The following GOLM1 variants were observed in gnomAD, a reference collection of about 807,000 sequenced individuals.
GOLM1 encodes epididymis luminal protein 46.
A neutral mutation model predicts 50.5 loss-of-function variants in GOLM1; 31 were observed. That is an observed-to-expected ratio of 0.61 (90% CI 0.46 to 0.83). The LOEUF (loss-of-function observed/expected upper bound fraction) is 0.83. GOLM1 is among the 40% of genes least tolerant of loss of function. The pLI is 0.00. For synonymous variants in GOLM1, 178 were observed against 192.8 expected (o/e 0.92, Z 0.64); for missense variants, 491 against 501.3 (o/e 0.98, Z 0.20).
At chr9:86,079,889 C>G (rs113400385) in intron 1 of GOLM1, 1 of 151,926 alleles carries the variant, frequency 6.6e-6, no homozygotes, top group Non-Finnish European at 1.5e-5. Context: ...CTAATGACAC[C>G]CAATTAAAGC....
chr9:86,077,890 A>G (rs1834666728), intron 2 of GOLM1: 1 of 370,072 alleles, frequency 2.7e-6, no homozygotes, highest in South Asian at 1.0e-4. Flanking sequence ...TTTACCTGGC[A>G]TAAGATGATG....
At chr9:86,047,183 C>T (rs1833575529) in intron 4 of GOLM1, among the ~76,000 whole-genome samples, 1 of 152,140 alleles carries the variant, frequency 6.6e-6, no homozygotes. Flanking sequence ...CCCATCCCTG[C>T]TGCCCTGATG....
At position 86,035,451 on chromosome 9, in the gene GOLM1, T is replaced by A; in HGVS notation, c.932A>T (p.Glu311Val). ...CTCAGGGCCCTCCATCTCTGGATTT[T>A]CCTGGCTCACTGACAGGGCAGCCTG... ...QVQAALSVSQ[E>V]NPEMEGPERD... The change falls in exon 8 of 10, where the codon GAA (glutamate) becomes GTA (valine). Residue 311 changes from glutamate (E) to valine (V), a missense_variant. Glu to Val is a moderately radical substitution (Grantham distance 121). Transcript: ENST00000388712. 1.2e-6 allele frequency: 2 copies of A among 1,613,894 alleles called. No individual in the cohort carries two copies. Among genetic ancestry groups the A allele is most frequent in the Non-Finnish European group, 1.7e-6 (2 of 1,180,002 alleles).
At chr9:86,045,695 T>TAC (rs771914212) in intron 5 of GOLM1, among the ~76,000 whole-genome samples, 5,382 of 147,510 alleles carry the variant, frequency 0.036, 248 homozygotes, top group African/African-American at 0.11. Context: ...AAAAAGTATA[T>TAC]ACACACACAC....
rs1447408261 is a variant in GOLM1 at position 86,027,911 on chromosome 9, A to G, written c.1130-18T>C. Reference sequence around the variant, plus strand: ...ATTAAAAACTAAAAAGGAAAAACACATAATATTCTATAGAGTATTAAATGA... The same window carrying G: ...ATTAAAAACTAAAAAGGAAAAACACGTAATATTCTATAGAGTATTAAATGA... On this transcript the variant is annotated intron_variant, in intron 9 of 9. Transcript: ENST00000388712. 2.8e-6 allele frequency: 4 copies of G among 1,407,530 alleles called. No homozygotes were observed. The highest frequency in any genetic ancestry group is 2.3e-5 in the East Asian group (1 of 43,842). The allele number at this position is 1,407,530 out of a possible 1,614,324, so 87.2% of individuals were successfully genotyped here. A position where few individuals can be genotyped will look rare whatever the true frequency, so the allele number is the denominator to read the frequency against.
chr9:86,053,522 C>CCATAT (rs1243815613), intron 3 of GOLM1, among the ~76,000 whole-genome samples: 19 of 226 alleles, frequency 0.084, no homozygotes, highest in Non-Finnish European at 0.1. Context: ...CCACACAACA[C>CCATAT]ACCACTCCAC....
intron 4 of GOLM1, among the ~76,000 whole-genome samples, chr9:86,049,606 C>A (rs1833670231): frequency 6.6e-6 from 1 of 152,096 alleles, no homozygotes; most frequent in Admixed American, 6.6e-5. Context: ...AAGTTGGATT[C>A]CTAGGTATTT....
chr9:86,050,711 C>A (rs1833718157), intron 4 of GOLM1, among the ~76,000 whole-genome samples: 1 of 152,008 alleles, frequency 6.6e-6, no homozygotes, highest in Admixed American at 6.6e-5. Flanking sequence ...GTGGTGATAT[C>A]CCCTTTATTA....
At position 86,040,671 on chromosome 9, in the gene GOLM1, TAAAAG is replaced by T. The variant is rs572515219; in HGVS notation, c.597+63_597+67del. 325 of 1,482,894 alleles carry T rather than the reference TAAAAG, an allele frequency of 2.2e-4. No homozygotes were observed. The African/African-American group carries it at 3.8e-3, about 17-fold the overall frequency. The allele number at this position is 1,482,894 out of a possible 1,614,324, so 91.9% of individuals were successfully genotyped here. On this transcript the variant is annotated intron_variant, in intron 6 of 9. Transcript: ENST00000388712. ...AATCCAGAGAAAGCCAGGCGGCACATAAAAGAAACAAAATGCCTGAAGATAGGGGT... is the reference window on the plus strand; with the variant it reads ...AATCCAGAGAAAGCCAGGCGGCACATAAACAAAATGCCTGAAGATAGGGGT...
In GOLM1 at chr9:86,077,554, G is replaced by A. The variant is rs368288017; in HGVS notation, c.167C>T (p.Ala56Val). 8 of 1,613,274 alleles carry A rather than the reference G, an allele frequency of 5.0e-6. No homozygotes were observed. In the African/African-American group the frequency reaches 5.3e-5, roughly 11 times the overall value. ...CTCCACGGCGCCTCTCTCTGCAGCC[G>A]CCCTGCGGACCCTGCCTTCCAGCTC... ...IMELEGRVRRAAAERGAVELK... is the reference protein window; with the variant it reads ...IMELEGRVRRVAAERGAVELK... Residue 56 changes from alanine (A) to valine (V), a missense_variant, in exon 3 of 10, where the codon GCG becomes GTG. Ala to Val is a moderately conservative substitution (Grantham distance 64). Coordinates refer to ENST00000388712, the MANE Select transcript of GOLM1 (RefSeq NM_016548.4).
At chr9:86,072,617 G>T (rs1834480832) in intron 3 of GOLM1, among the ~76,000 whole-genome samples, 1 of 152,184 alleles carries the variant, frequency 6.6e-6, no homozygotes. Flanking sequence ...AAAGATGAAA[G>T]AAATCCCTCA....
intron 7 of GOLM1, among the ~76,000 whole-genome samples, chr9:86,036,075 C>A (rs1222832147): frequency 6.6e-6 from 1 of 152,090 alleles, no homozygotes; most frequent in Non-Finnish European, 1.5e-5. Flanking sequence ...GCCGCCTCCC[C>A]CGAGTCCCAC....
chr9:86,065,850 G>A (rs979079832), intron 3 of GOLM1, among the ~76,000 whole-genome samples: 1 of 152,120 alleles, frequency 6.6e-6, no homozygotes, highest in African/African-American at 2.4e-5. Flanking sequence ...GACCAGCCTG[G>A]CCAACATGGT....
At chr9:86,039,280 GTA>G (rs1418835570) in intron 6 of GOLM1, among the ~76,000 whole-genome samples, 1 of 152,148 alleles carries the variant, frequency 6.6e-6, no homozygotes, top group Non-Finnish European at 1.5e-5. Context: ...GCTAGGAAGG[GTA>G]TCATGAAAAA....
At chr9:86,031,975 G>C (rs192157255) in intron 9 of GOLM1, among the ~76,000 whole-genome samples, 1,622 of 140,312 alleles carry the variant, frequency 0.012, 22 homozygotes, top group Non-Finnish European at 0.017. Flanking sequence ...CGTGCCTCCC[G>C]ATGAAAGAAC....
At chr9:86,075,479 C>T (rs966522973) in intron 3 of GOLM1, among the ~76,000 whole-genome samples, 2 of 152,194 alleles carry the variant, frequency 1.3e-5, no homozygotes, top group Non-Finnish European at 2.9e-5. Flanking sequence ...TCAATCCTCA[C>T]AGGCACCCTG....
chr9:86,077,884 C>G (rs113186783), intron 2 of GOLM1: 1 of 384,074 alleles, frequency 2.6e-6, no homozygotes, highest in Non-Finnish European at 4.6e-6. Flanking sequence ...TCATGCTTTA[C>G]CTGGCATAAG....
chr9:86,078,313 T>C (rs1437070307), intron 2 of GOLM1, among the ~76,000 whole-genome samples: 2 of 152,070 alleles, frequency 1.3e-5, no homozygotes, highest in East Asian at 3.8e-4. Context: ...TTCAAAACGA[T>C]TGCAATAGGA....
Position 86,026,580 on chromosome 9 carries a change from C to G in GOLM1, c.*1237G>C. 2.1e-6 allele frequency: 2 copies of G among 958,692 alleles called. No individual in the cohort carries two copies. Among genetic ancestry groups the G allele is most frequent in the Non-Finnish European group, 2.5e-6 (2 of 805,672 alleles). The allele number at this position is 958,692 out of a possible 1,614,324, so 59.4% of individuals were successfully genotyped here. A position where few individuals can be genotyped will look rare whatever the true frequency, so the allele number is the denominator to read the frequency against. On this transcript the variant is annotated 3_prime_UTR_variant, in exon 10 of 10. Coordinates refer to ENST00000388712, the MANE Select transcript of GOLM1 (RefSeq NM_016548.4). ...CAAACGATCTCTGGGGCCTTAGCAT[C>G]TCAAATCCTGTGGATCCTCCTACTT...
Sources: gnomAD v4.1 joint callset for allele counts (sites outside exome capture counted in the v4.1 genomes callset) on GRCh38, gnomAD v4.1.1 for gene constraint, MANE v1.5 for transcripts, NCBI Gene and HGNC (gene_info 2026-07-23, HGNC 2026-07-21) for gene names.